Variants in MS4A10 observed in about 807,000 individuals in gnomAD.
The protein encoded by MS4A10 is membrane spanning 4-domains A10.
Under a neutral mutation model 27.7 loss-of-function variants are expected in MS4A10, and 27 were observed. The observed-to-expected ratio is 0.98, with a 90% CI of 0.72 to 1.35. MS4A10 has a LOEUF of 1.35. Ranked by LOEUF, MS4A10 falls within the 40% of genes most tolerant of loss-of-function variation. MS4A10 has a pLI of 0.00. For synonymous variants in MS4A10, 139 were observed against 131.2 expected (o/e 1.06, Z -0.41); for missense variants, 338 against 324.7 (o/e 1.04, Z -0.32).
chr11:60,787,747 G>A (rs1028284762), intron 1 of MS4A10, among the ~76,000 whole-genome samples: 6 of 152,202 alleles, frequency 3.9e-5, no homozygotes, highest in Non-Finnish European at 7.3e-5. Context: ...GCCGGGCGCA[G>A]TGGCTCACAT....
chr11:60,797,876 C>G (rs374415721), intron 6 of MS4A10, among the ~76,000 whole-genome samples: 1 of 152,212 alleles, frequency 6.6e-6, no homozygotes, highest in African/African-American at 2.4e-5. Flanking sequence ...GGTCTCACAG[C>G]CAGTAAGTGG....
Position 60,790,433 on chromosome 11 carries a change from C to A in MS4A10, c.98C>A (p.Pro33His), listed in dbSNP as rs781683941. ...SPVQPWQTSAPQNTTQPKLLA... is the reference protein window; with the variant it reads ...SPVQPWQTSAHQNTTQPKLLA... Reference sequence around the variant, plus strand: ...GTCCAGCCCTGGCAGACAAGTGCACCCCAGAACACGACCCAGCCCAAGCTC... The same window carrying A: ...GTCCAGCCCTGGCAGACAAGTGCACACCAGAACACGACCCAGCCCAAGCTC... The change falls in exon 2 of 8, where the codon CCC becomes CAC. Residue 33 changes from proline (P) to histidine (H), a missense_variant. By Grantham distance (77) the Pro-to-His change is moderately conservative. Coordinates refer to ENST00000308287, the MANE Select transcript of MS4A10 (RefSeq NM_206893.4). The A allele has an allele frequency of 6.8e-6, 11 of 1,614,024 alleles. No homozygotes were observed. The highest frequency in any genetic ancestry group is 1.6e-4 in the Middle Eastern group (1 of 6,084).
At chr11:60,797,432 C>A (rs902266629) in intron 6 of MS4A10, among the ~76,000 whole-genome samples, 1 of 152,170 alleles carries the variant, frequency 6.6e-6, no homozygotes, top group African/African-American at 2.4e-5. Context: ...GGTGTGTCGC[C>A]AGGACTGCAT....
At chr11:60,793,082 G>A (rs1854458463) in intron 4 of MS4A10, among the ~76,000 whole-genome samples, 1 of 152,148 alleles carries the variant, frequency 6.6e-6, no homozygotes, top group Non-Finnish European at 1.5e-5. Context: ...CTCACACCCA[G>A]GTCTTCCCAC....
At chr11:60,795,420 G>T (rs191170802) in intron 5 of MS4A10, 135 bp from the exon 6 acceptor site, 1 of 457,270 alleles carries the variant, frequency 2.2e-6, no homozygotes, top group South Asian at 5.3e-5. Context: ...CCTTCCCCAC[G>T]CACACCTGGG....
Position 60,792,307 on chromosome 11 carries a change from T to A in MS4A10, c.346T>A (p.Ser116Thr), listed in dbSNP as rs774302210. 1 of 1,612,112 alleles carries A rather than the reference T, an allele frequency of 6.2e-7. No homozygotes were observed. Among genetic ancestry groups the A allele is most frequent in the Non-Finnish European group, 8.5e-7 (1 of 1,178,158 alleles). ...GILAITMKTF[S>T]KTYLKMLCLM... ...CTTGGCGATAACAATGAAGACCTTT[T>A]CTAAAACTTACCTGGTGAGTGGGCA... The change falls in exon 4 of 8, where the codon TCT becomes ACT. Residue 116 changes from serine to threonine, a missense_variant. Coordinates refer to ENST00000308287, the MANE Select transcript of MS4A10 (RefSeq NM_206893.4).
In MS4A10 at chr11:60,800,716, T is replaced by C. The variant is rs1854618884; in HGVS notation, c.*807T>C. 1 of 151,904 alleles carries C rather than the reference T, an allele frequency of 6.6e-6. No individual in the cohort carries two copies. Among genetic ancestry groups the C allele is most frequent in the Admixed American group, 6.6e-5 (1 of 15,228 alleles). The allele number at this position is 151,904 out of a possible 1,614,324, so 9.4% of individuals were successfully genotyped here. ...GCTGGCTTTAAAATAGATTGTAAAG[T>C]GTAAGGCATTAGGTTCTGAGACAGC... On this transcript the variant is annotated 3_prime_UTR_variant, in exon 8 of 8. Coordinates refer to ENST00000308287, the MANE Select transcript of MS4A10 (RefSeq NM_206893.4).
chr11:60,796,841 GA>G (rs960455016), intron 6 of MS4A10, among the ~76,000 whole-genome samples: 12 of 150,384 alleles, frequency 8.0e-5, no homozygotes, highest in African/African-American at 2.2e-4. Flanking sequence ...TTTTATAAAA[GA>G]AAAAAAATAA....
chr11:60,799,855 G>T lies in MS4A10; in HGVS notation c.750G>T (p.Pro250=), dbSNP rs148599220. 3.1e-4 allele frequency: 496 copies of T among 1,589,568 alleles called. No individual in the cohort carries two copies. The highest frequency in any genetic ancestry group is 1.2e-3 in the Admixed American group (73 of 59,630). Residue 250 remains proline, a synonymous_variant, in exon 8 of 8, where the codon CCG becomes CCT. Coordinates refer to ENST00000308287, the MANE Select transcript of MS4A10 (RefSeq NM_206893.4). ...TCAGAGAAGTTAAGCAAGTTGCCCCGGACACATGGATAGTCACTGACGGAG... is the reference window on the plus strand; with the variant it reads ...TCAGAGAAGTTAAGCAAGTTGCCCCTGACACATGGATAGTCACTGACGGAG... ...QRLREVKQVA[P]DTWIVTDGAA...
chr11:60,788,375 T>G (rs1238716689), intron 1 of MS4A10, among the ~76,000 whole-genome samples: 1 of 152,212 alleles, frequency 6.6e-6, no homozygotes, highest in Non-Finnish European at 1.5e-5. Flanking sequence ...GCACTCACTA[T>G]CTCCGTGGAC....
rs78409801 is a variant in MS4A10 at position 60,796,021 on chromosome 11, C to A, written c.603+356C>A. ...CCCACAGGCATAGGTGGAAGAGAGA[C>A]TTTCAGCAGAGCAAGAAGAGCACGA... On this transcript the variant is annotated intron_variant, in intron 6 of 7. Transcript: ENST00000308287. 7.7e-3 allele frequency among the ~76,000 whole-genome samples: 1,176 copies of A among 152,264 alleles called. 16 individuals carry two copies. Among genetic ancestry groups the A allele is most frequent in the African/African-American group, 0.027 (1,120 of 41,536 alleles).
At chr11:60,790,005 C>A (rs1204468423) in intron 1 of MS4A10, among the ~76,000 whole-genome samples, 1 of 152,212 alleles carries the variant, frequency 6.6e-6, no homozygotes, top group Non-Finnish European at 1.5e-5. Flanking sequence ...CTCTTCCAAA[C>A]TGCAGTCTGG....
At chr11:60,788,801 C>G (rs1854379766) in intron 1 of MS4A10, among the ~76,000 whole-genome samples, 1 of 152,216 alleles carries the variant, frequency 6.6e-6, no homozygotes, top group Non-Finnish European at 1.5e-5. Flanking sequence ...AGCCCAGGCC[C>G]AGAGCACTGG....
At chr11:60,789,344 C>A (rs1362128695) in intron 1 of MS4A10, among the ~76,000 whole-genome samples, 1 of 152,234 alleles carries the variant, frequency 6.6e-6, no homozygotes, top group African/African-American at 2.4e-5. Flanking sequence ...CAGCTGTCCA[C>A]TTCCTGGGAC....
In MS4A10 at chr11:60,798,523, G is replaced by A. The variant is rs758303143; in HGVS notation, c.722+9G>A. ...CACAAGCAACATCAGAGGTGAAGAG[G>A]TTTGGCCCTGGCTCCCCAGACCTTC... On this transcript the variant is annotated intron_variant, in intron 7 of 7. Coordinates refer to ENST00000308287, the MANE Select transcript of MS4A10 (RefSeq NM_206893.4). 1.2e-6 allele frequency: 2 copies of A among 1,609,224 alleles called. No individual in the cohort carries two copies. Among genetic ancestry groups the A allele is most frequent in the Non-Finnish European group, 1.7e-6 (2 of 1,175,922 alleles).
Position 60,801,090 on chromosome 11 carries a change from C to T in MS4A10, c.*1181C>T, listed in dbSNP as rs1854630379. On this transcript the variant is annotated 3_prime_UTR_variant, in exon 8 of 8. Coordinates refer to ENST00000308287, the MANE Select transcript of MS4A10 (RefSeq NM_206893.4). ...TACAGGCATGAGCCACCACCCCTGGCTGAAACCCAATCTTTCAAAACATGA... is the reference window on the plus strand; with the variant it reads ...TACAGGCATGAGCCACCACCCCTGGTTGAAACCCAATCTTTCAAAACATGA... 6.6e-6 allele frequency: 1 copy of T among 152,212 alleles called. No homozygotes were observed. The highest frequency in any genetic ancestry group is 2.4e-5 in the African/African-American group (1 of 41,442). 9.4% of individuals were successfully genotyped at this position (152,212 alleles called of 1,614,324 possible). A position where few individuals can be genotyped will look rare whatever the true frequency, so the allele number is the denominator to read the frequency against.
chr11:60,790,479 G>A lies in MS4A10; in HGVS notation c.144G>A (p.Glu48=). Residue 48 remains glutamate (E), a synonymous_variant, in exon 2 of 8, where the codon GAG becomes GAA. Coordinates refer to ENST00000308287, the MANE Select transcript of MS4A10 (RefSeq NM_206893.4). The part of the protein sequence containing the change: ...QPKLLAPHQH[E]KSQKKSSLLK... ...AGCTCCTGGCTCCACACCAGCACGA[G>A]AAGTCCCAGAAGAAGAGCAGCCTTC... is the stretch of plus-strand genomic sequence containing the variant. The A allele has an allele frequency of 6.2e-7, 1 of 1,614,172 alleles. No homozygotes were observed. The highest frequency in any genetic ancestry group is 8.5e-7 in the Non-Finnish European group (1 of 1,180,030).
chr11:60,786,789 A>G (rs1258860639), intron 1 of MS4A10, among the ~76,000 whole-genome samples: 2 of 152,146 alleles, frequency 1.3e-5, no homozygotes, highest in African/African-American at 4.8e-5. Flanking sequence ...ATTTATTGCT[A>G]TACGCCAGTC....
intron 1 of MS4A10, among the ~76,000 whole-genome samples, chr11:60,789,473 T>G (rs564792800): frequency 3.9e-5 from 6 of 152,322 alleles, no homozygotes; most frequent in Admixed American, 1.3e-4. Flanking sequence ...TCCAGCCCCC[T>G]TCTAACTTTT....
Sources: gnomAD v4.1 joint callset for allele counts (sites outside exome capture counted in the v4.1 genomes callset) on GRCh38, gnomAD v4.1.1 for gene constraint, MANE v1.5 for transcripts, NCBI Gene and HGNC (gene_info 2026-07-23, HGNC 2026-07-21) for gene names.